Variants in SUGCT observed in about 807,000 individuals in gnomAD.
SUGCT encodes succinyl-CoA:glutarate CoA-transferase.
A neutral mutation model predicts 55.0 loss-of-function variants in SUGCT; 41 were observed. That is an observed-to-expected ratio of 0.74 (90% CI 0.58 to 0.97). SUGCT has a LOEUF of 0.97. SUGCT is among the 50% of genes least tolerant of loss of function. The probability of loss-of-function intolerance (pLI) is 0.00; values close to 1 mark genes in which losing one functional copy is unlikely to be tolerated. For missense variants in SUGCT, 568 were observed against 547.8 expected (o/e 1.04, Z -0.37); for synonymous variants, 187 against 200.4 (o/e 0.93, Z 0.56).
chr7:40,192,173 A>G (rs1472553935), intron 5 of SUGCT, among the ~76,000 whole-genome samples: 3 of 151,510 alleles, frequency 2.0e-5, no homozygotes, highest in Non-Finnish European at 2.9e-5. Flanking sequence ...CTTGGTGGCT[A>G]TGATTGCTAA....
At chr7:40,312,902 T>C (rs1049511873) in intron 8 of SUGCT, among the ~76,000 whole-genome samples, 2 of 152,172 alleles carry the variant, frequency 1.3e-5, no homozygotes, top group East Asian at 1.9e-4. Flanking sequence ...TTTTTTCATT[T>C]TACCTGTCAC....
intron 12 of SUGCT, among the ~76,000 whole-genome samples, chr7:40,688,691 G>T (rs1049502706): frequency 6.6e-6 from 1 of 152,034 alleles, no homozygotes; most frequent in Non-Finnish European, 1.5e-5. Flanking sequence ...TGAGATTGTG[G>T]TGTAAAAGTT....
chr7:40,483,257 A>G (rs1271416285), intron 11 of SUGCT, among the ~76,000 whole-genome samples: 1 of 152,160 alleles, frequency 6.6e-6, no homozygotes, highest in Admixed American at 6.5e-5. Context: ...CCAAAGGGAC[A>G]TTTCGTATAG....
intron 3 of SUGCT, among the ~76,000 whole-genome samples, chr7:40,186,759 A>C (rs1025019372): frequency 6.6e-6 from 1 of 152,164 alleles, no homozygotes; most frequent in Non-Finnish European, 1.5e-5. Context: ...AAATTTCAGC[A>C]TTGTCTCCAC....
chr7:40,549,483 G>T (rs997649983), intron 12 of SUGCT, among the ~76,000 whole-genome samples: 1 of 152,132 alleles, frequency 6.6e-6, no homozygotes, highest in Non-Finnish European at 1.5e-5. Flanking sequence ...AAAAGACAGT[G>T]TACCTCTGCC....
chr7:40,738,077 A>G (rs1172760100), intron 12 of SUGCT, among the ~76,000 whole-genome samples: 3 of 151,718 alleles, frequency 2.0e-5, no homozygotes, highest in Non-Finnish European at 4.4e-5. Flanking sequence ...TGCACCTGTA[A>G]TCCCAGCTAC....
At chr7:40,503,105 G>A (rs890200978) in intron 12 of SUGCT, among the ~76,000 whole-genome samples, 9 of 151,966 alleles carry the variant, frequency 5.9e-5, no homozygotes, top group African/African-American at 2.2e-4. Flanking sequence ...AGGGCTTTCA[G>A]GCTTGGTTTT....
chr7:40,326,209 A>G (rs573940765), intron 9 of SUGCT, among the ~76,000 whole-genome samples: 36 of 152,082 alleles, frequency 2.4e-4, no homozygotes, highest in Non-Finnish European at 4.3e-4. Flanking sequence ...CTTGATTTCA[A>G]GGGACTCAAA....
intron 1 of SUGCT, among the ~76,000 whole-genome samples, chr7:40,163,913 C>T (rs1170459008): frequency 6.6e-6 from 1 of 151,762 alleles, no homozygotes; most frequent in Non-Finnish European, 1.5e-5. Context: ...TCTCCACGTC[C>T]TGGGTTTGAG....
At chr7:40,270,316 T>G (rs887288401) in intron 7 of SUGCT, among the ~76,000 whole-genome samples, 1 of 152,142 alleles carries the variant, frequency 6.6e-6, no homozygotes, top group African/African-American at 2.4e-5. Context: ...GCTTTTGATG[T>G]CATATCAAAG....
chr7:40,931,570 T>C, the SUGCT span, among the ~76,000 whole-genome samples: 1 of 152,234 alleles, frequency 6.6e-6, no homozygotes, highest in African/African-American at 2.4e-5. Flanking sequence ...TTTTGGTTGA[T>C]AGGCTATTAA....
chr7:40,632,414 G>A (rs960262770), intron 12 of SUGCT, among the ~76,000 whole-genome samples: 8 of 151,570 alleles, frequency 5.3e-5, no homozygotes, highest in African/African-American at 1.9e-4. Flanking sequence ...GCCATGGGTG[G>A]TGGTATTCAG....
intron 12 of SUGCT, among the ~76,000 whole-genome samples, chr7:40,553,970 C>T (rs1259071840): frequency 2.0e-5 from 3 of 152,166 alleles, no homozygotes; most frequent in African/African-American, 2.4e-5. Context: ...CTATCTCAAA[C>T]AAGGACTGTT....
At chr7:40,500,026 A>G (rs1479245526) in intron 12 of SUGCT, among the ~76,000 whole-genome samples, 1 of 152,212 alleles carries the variant, frequency 6.6e-6, no homozygotes, top group Non-Finnish European at 1.5e-5. Flanking sequence ...CTCACCACTG[A>G]GAGGGATTAA....
At chr7:40,723,253 T>C (rs1051223761) in intron 12 of SUGCT, among the ~76,000 whole-genome samples, 3 of 152,106 alleles carry the variant, frequency 2.0e-5, no homozygotes, top group African/African-American at 7.2e-5. Flanking sequence ...CACCATTTCC[T>C]TGTGACCTTT....
chr7:40,680,672 T>C (rs1457707137), intron 12 of SUGCT, among the ~76,000 whole-genome samples: 1 of 152,228 alleles, frequency 6.6e-6, no homozygotes, highest in Non-Finnish European at 1.5e-5. Context: ...AATCCTAATC[T>C]GGAGGAAATT....
intron 9 of SUGCT, among the ~76,000 whole-genome samples, chr7:40,416,653 C>T (rs551716537): frequency 5.9e-5 from 9 of 151,782 alleles, no homozygotes; most frequent in East Asian, 1.9e-4. Flanking sequence ...AGAAATCTTG[C>T]GAATATTGAT....
At chr7:40,229,218 A>C (rs1788567024) in intron 6 of SUGCT, among the ~76,000 whole-genome samples, 1 of 152,156 alleles carries the variant, frequency 6.6e-6, no homozygotes, top group Non-Finnish European at 1.5e-5. Flanking sequence ...TAAGAAAATA[A>C]ATATTAAAAA....
At chr7:40,490,984 A>G (rs1000616566) in intron 11 of SUGCT, among the ~76,000 whole-genome samples, 1 of 152,208 alleles carries the variant, frequency 6.6e-6, no homozygotes, top group Non-Finnish European at 1.5e-5. Flanking sequence ...CTGATTAAAC[A>G]TAGTCTTTCC....
Sources: allele counts gnomAD v4.1 joint callset (sites outside exome capture counted in the v4.1 genomes callset), GRCh38; gene constraint gnomAD v4.1.1; transcripts MANE v1.5; gene names NCBI Gene and HGNC (gene_info 2026-07-23, HGNC 2026-07-21).